The following WT1 variants were observed in gnomAD, a reference collection of about 807,000 sequenced individuals.
The protein encoded by WT1 is WT1 transcription factor.
WT1 carries 8 observed loss-of-function variants against 60.8 expected under a neutral mutation model. That is an observed-to-expected ratio of 0.13 (90% CI 0.08 to 0.24). WT1 has a LOEUF of 0.24. WT1 is among the 10% of genes least tolerant of loss of function. WT1 has a pLI of 1.00. For missense variants in WT1, 568 were observed against 711.8 expected (o/e 0.80, Z 2.30); for synonymous variants, 312 against 297.1 (o/e 1.05, Z -0.52).
rs973950565 is a variant in WT1 at position 32,435,196 on chromosome 11, A to C, written c.165T>G (p.Ala55=). The change falls in exon 1 of 10, where the codon GCT becomes GCG. Residue 55 remains alanine (A), a synonymous_variant. Transcript: ENST00000452863. ...GGCTCCTCCGGCCCTGGAGACGTTC[A>C]GCGCTGGCCTCGGCGGCGCCTAACT... 6.5e-7 allele frequency: 1 copy of C among 1,529,610 alleles called. No individual in the cohort carries two copies. The highest frequency in any genetic ancestry group is 1.4e-5 in the African/African-American group (1 of 72,610). 94.8% of individuals were successfully genotyped at this position (1,529,610 alleles called of 1,614,324 possible). A position where few individuals can be genotyped will look rare whatever the true frequency, so the allele number is the denominator to read the frequency against.
At chr11:32,405,904 G>T (rs1852294819) in intron 5 of WT1, among the ~76,000 whole-genome samples, 1 of 152,150 alleles carries the variant, frequency 6.6e-6, no homozygotes, top group Non-Finnish European at 1.5e-5. Context: ...AAATGAGCTG[G>T]ATAATCCTGG....
intron 1 of WT1, among the ~76,000 whole-genome samples, chr11:32,432,555 A>G (rs1853348226): frequency 6.6e-6 from 1 of 152,234 alleles, no homozygotes; most frequent in South Asian, 2.1e-4. Context: ...CTTCCAGGCT[A>G]TATGACTTGA....
chr11:32,422,783 T>C (rs968511809), intron 3 of WT1, among the ~76,000 whole-genome samples: 1 of 152,300 alleles, frequency 6.6e-6, no homozygotes, highest in Admixed American at 6.5e-5. Flanking sequence ...AGAGTCGGAG[T>C]GGTTTCACCT....
At chr11:32,415,438 C>T (rs573428404) in intron 5 of WT1, among the ~76,000 whole-genome samples, 14 of 152,336 alleles carry the variant, frequency 9.2e-5, no homozygotes, top group African/African-American at 2.9e-4. Flanking sequence ...CACCTGAGGT[C>T]GGGAGTTTGA....
In WT1 at chr11:32,388,416, C is replaced by A. The variant is rs1211085209; in HGVS notation, c.*642G>T. ...ATTGAATTAACTGAATGGTAAAATT[C>A]TTTTAGATTTCTATACAGAGGTACT... On this transcript the variant is annotated 3_prime_UTR_variant, in exon 10 of 10. Coordinates refer to ENST00000452863, the MANE Select transcript of WT1 (RefSeq NM_024426.6). 8.5e-6 allele frequency: 2 copies of A among 233,940 alleles called. No homozygotes were observed. The highest frequency in any genetic ancestry group is 1.7e-5 in the Non-Finnish European group (2 of 118,526). The allele number at this position is 233,940 out of a possible 1,614,324, so 14.5% of individuals were successfully genotyped here. A position where few individuals can be genotyped will look rare whatever the true frequency, so the allele number is the denominator to read the frequency against.
chr11:32,401,627 G>A (rs185512922), intron 5 of WT1, among the ~76,000 whole-genome samples: 8 of 152,020 alleles, frequency 5.3e-5, no homozygotes, highest in African/African-American at 1.7e-4. Context: ...TGCAACCACC[G>A]CCCCTGGGTT....
intron 3 of WT1, among the ~76,000 whole-genome samples, chr11:32,426,299 G>A (rs992839625): frequency 1.3e-5 from 2 of 152,170 alleles, no homozygotes; most frequent in Admixed American, 1.3e-4. Context: ...TCATTACGTG[G>A]GAACCATTCC....
intron 9 of WT1, among the ~76,000 whole-genome samples, chr11:32,389,794 A>C (rs1256960088): frequency 1.3e-5 from 2 of 151,814 alleles, no homozygotes; most frequent in Non-Finnish European, 2.9e-5. Flanking sequence ...GGAAGATTCT[A>C]GTTGGGGCGT....
chr11:32,408,433 T>C (rs1852389031), intron 5 of WT1, among the ~76,000 whole-genome samples: 1 of 145,728 alleles, frequency 6.9e-6, no homozygotes, highest in Non-Finnish European at 1.5e-5. Context: ...GAGAATCACT[T>C]GAACCCAGGA....
At chr11:32,411,883 G>GAA (rs142941815) in intron 5 of WT1, among the ~76,000 whole-genome samples, 5 of 151,720 alleles carry the variant, frequency 3.3e-5, no homozygotes, top group Non-Finnish European at 7.4e-5. Context: ...CAATAATAAA[G>GAA]AAAAAAAACT....
intron 9 of WT1, among the ~76,000 whole-genome samples, 186 bp downstream of exon 9, chr11:32,391,786 C>T (rs1044134360): frequency 1.3e-5 from 2 of 152,146 alleles, no homozygotes; most frequent in African/African-American, 4.8e-5. Context: ...TGTATTTCCA[C>T]CCTCCCCTTC....
At position 32,394,716 on chromosome 11, in the gene WT1, G is replaced by A. The variant is rs1019663613; in HGVS notation, c.1264+1541C>T. On this transcript the variant is annotated intron_variant, in intron 7 of 9. Transcript: ENST00000452863. ...ATAAGAAAATATTGCTCTCTTTCAAGGGGGACTGTAGGATTGTTAAATACC... is the reference window on the plus strand; with the variant it reads ...ATAAGAAAATATTGCTCTCTTTCAAAGGGGACTGTAGGATTGTTAAATACC... 2.0e-5 allele frequency among the ~76,000 whole-genome samples: 3 copies of A among 152,286 alleles called. No individual in the cohort carries two copies. The East Asian group carries it at 5.8e-4, about 29-fold the overall frequency.
chr11:32,434,676 G>T (rs1485013017), intron 1 of WT1, 24 bp downstream of exon 1: 1 of 1,612,494 alleles, frequency 6.2e-7, no homozygotes, highest in Non-Finnish European at 8.5e-7. Context: ...CCCGCGCGTA[G>T]GGGGCGCTCC....
At chr11:32,420,241 T>G (rs1852811766) in intron 3 of WT1, among the ~76,000 whole-genome samples, 1 of 152,198 alleles carries the variant, frequency 6.6e-6, no homozygotes, top group Non-Finnish European at 1.5e-5. Context: ...AAATTTCAAA[T>G]TACATGTATG....
intron 5 of WT1, among the ~76,000 whole-genome samples, chr11:32,405,387 A>C (rs1852276889): frequency 6.6e-6 from 1 of 151,990 alleles, no homozygotes; most frequent in African/African-American, 2.4e-5. Flanking sequence ...GGTCAAATAA[A>C]ACACACACTC....
Position 32,435,226 on chromosome 11 carries a change from C to A in WT1, c.135G>T (p.Trp45Cys), listed in dbSNP as rs1853475396. The change falls in exon 1 of 10, where the codon TGG (tryptophan) becomes TGT (cysteine). Residue 45 changes from tryptophan to cysteine, a missense_variant. Coordinates refer to ENST00000452863, the MANE Select transcript of WT1 (RefSeq NM_024426.6). The stretch of plus-strand genomic sequence containing the variant: ...TGGCCTCGGCGGCGCCTAACTTGGC[C>A]CAGATGCCGCCCGGGTCCCGGACTC... 1 of 1,535,412 alleles carries A rather than the reference C, an allele frequency of 6.5e-7. No individual in the cohort carries two copies. Among genetic ancestry groups the A allele is most frequent in the African/African-American group, 1.4e-5 (1 of 72,970 alleles).
chr11:32,389,298 C>G, intron 9 of WT1, 119 bp from the exon 10 acceptor site: 1 of 1,554,670 alleles, frequency 6.4e-7, no homozygotes, highest in Non-Finnish European at 8.8e-7. Context: ...ATCATTCTGT[C>G]CCTGAGCTAA....
intron 6 of WT1, among the ~76,000 whole-genome samples, chr11:32,396,914 A>G (rs998576096): frequency 1.3e-5 from 2 of 152,214 alleles, no homozygotes; most frequent in Non-Finnish European, 2.9e-5. Context: ...GTCCAAGTAT[A>G]AGTAAATAAC....
chr11:32,420,380 T>G (rs1852816401), intron 3 of WT1, among the ~76,000 whole-genome samples: 1 of 152,226 alleles, frequency 6.6e-6, no homozygotes, highest in South Asian at 2.1e-4. Context: ...TCAGTCTAAC[T>G]GTACAGAAAT....
Sources: allele counts gnomAD v4.1 joint callset (sites outside exome capture counted in the v4.1 genomes callset), GRCh38; gene constraint gnomAD v4.1.1; transcripts MANE v1.5; gene names NCBI Gene and HGNC (gene_info 2026-07-23, HGNC 2026-07-21).